Variants in PPFIA2 observed in about 807,000 individuals in gnomAD.
PPFIA2 encodes the protein liprin-alpha-2.
In PPFIA2, 46 loss-of-function variants were observed where a neutral mutation model predicts 175.5. The ratio of observed to expected loss-of-function variants is 0.26; its 90% CI spans 0.21 to 0.34. The LOEUF is 0.34. Ranked by LOEUF, PPFIA2 falls within the 10% of genes least tolerant of loss-of-function variation. The probability of loss-of-function intolerance (pLI) is 1.00; values close to 1 mark genes in which losing one functional copy is unlikely to be tolerated. For missense variants in PPFIA2, 1,179 were observed against 1,506.1 expected (o/e 0.78, Z 3.60); for synonymous variants, 568 against 511.4 (o/e 1.11, Z -1.49).
At chr12:81,504,693 A>G (rs1261894635) in intron 4 of PPFIA2, among the ~76,000 whole-genome samples, 1 of 152,218 alleles carries the variant, frequency 6.6e-6, no homozygotes, top group Admixed American at 6.5e-5. Flanking sequence ...ACACATGTAC[A>G]GCTATGTTTA....
chr12:81,333,403 C>T (rs973478982), intron 21 of PPFIA2, among the ~76,000 whole-genome samples: 1 of 152,142 alleles, frequency 6.6e-6, no homozygotes, highest in Admixed American at 6.5e-5. Context: ...GTTCTCCGAA[C>T]GTGATTCCAA....
chr12:81,425,653 C>T (rs1025822261), intron 7 of PPFIA2, among the ~76,000 whole-genome samples: 11 of 152,132 alleles, frequency 7.2e-5, no homozygotes, highest in Admixed American at 1.3e-4. Context: ...GGATTACGGG[C>T]GTGAGCCACT....
chr12:81,736,994 G>C (rs1474016495), intron 3 of PPFIA2, among the ~76,000 whole-genome samples: 1 of 151,934 alleles, frequency 6.6e-6, no homozygotes, highest in Admixed American at 6.6e-5. Flanking sequence ...GCTTATTAAA[G>C]TTGCAGACTT....
At chr12:81,479,075 A>C (rs552907836) in intron 4 of PPFIA2, among the ~76,000 whole-genome samples, 211 of 152,218 alleles carry the variant, frequency 1.4e-3, no homozygotes, top group Middle Eastern at 3.4e-3. Context: ...GGTCTCTAAG[A>C]ACTTGCTGTA....
At chr12:81,342,669 C>T (rs2058329307) in intron 19 of PPFIA2, among the ~76,000 whole-genome samples, 1 of 152,040 alleles carries the variant, frequency 6.6e-6, no homozygotes. Flanking sequence ...CACAACCCAG[C>T]TAAACTCTTA....
chr12:81,468,590 A>G (rs2056169782), intron 4 of PPFIA2, among the ~76,000 whole-genome samples: 1 of 152,192 alleles, frequency 6.6e-6, no homozygotes, highest in Non-Finnish European at 1.5e-5. Context: ...CTGAATATTT[A>G]AATCTCCCAA....
intron 22 of PPFIA2, 47 bp from the exon 23 acceptor site, chr12:81,299,429 G>A (rs748675659): frequency 5.3e-5 from 80 of 1,522,592 alleles, no homozygotes; most frequent in Non-Finnish European, 6.9e-5. Context: ...GGAAAAATAT[G>A]GCTGTGATTA....
chr12:81,599,529 A>G (rs2059586994), intron 4 of PPFIA2, among the ~76,000 whole-genome samples: 1 of 152,046 alleles, frequency 6.6e-6, no homozygotes, highest in African/African-American at 2.4e-5. Flanking sequence ...TGATTTATAG[A>G]AAATCTGCAA....
intron 19 of PPFIA2, among the ~76,000 whole-genome samples, chr12:81,342,641 G>A (rs1392789017): frequency 6.6e-6 from 1 of 151,864 alleles, no homozygotes; most frequent in African/African-American, 2.4e-5. Context: ...CTGATGCTGT[G>A]GAAAACCTTT....
rs1038466101 is a variant in PPFIA2 at position 81,287,909 on chromosome 12, G to T, written c.2926-3606C>A. ...ACAAATATTGTATAACTTGGTTGTGGTTCTCTGAGATCCCCTTAAAATTAT... is the reference window on the plus strand; with the variant it reads ...ACAAATATTGTATAACTTGGTTGTGTTTCTCTGAGATCCCCTTAAAATTAT... On this transcript the variant is annotated intron_variant, in intron 24 of 32. Coordinates refer to ENST00000549396, the MANE Select transcript of PPFIA2 (RefSeq NM_003625.5). Among the ~76,000 whole-genome samples the T allele has an allele frequency of 2.0e-5, 3 of 151,904 alleles. No individual in the cohort carries two copies. The Middle Eastern group carries it at 0.01, about 517-fold the overall frequency.
At chr12:81,596,678 G>C (rs144850952) in intron 4 of PPFIA2, among the ~76,000 whole-genome samples, 137 of 152,138 alleles carry the variant, frequency 9.0e-4, no homozygotes, top group Middle Eastern at 3.4e-3. Flanking sequence ...GCTACCCAAA[G>C]AGCCAGCTGC....
At position 81,277,343 on chromosome 12, in the gene PPFIA2, C is replaced by T. The variant is rs770104405; in HGVS notation, c.3284G>A (p.Arg1095Gln). ...NYDRKELERR[R>Q]EASQHEIKDV... is the part of the protein sequence containing the mutation. ...TTTTATTTCATGTTGGCTTGCTTCCCGTCTTCTTTCTAGTTCTTTTCTGTC... is the reference window on the plus strand; with the variant it reads ...TTTTATTTCATGTTGGCTTGCTTCCTGTCTTCTTTCTAGTTCTTTTCTGTC... Residue 1095 changes from arginine to glutamine, a missense_variant, in exon 28 of 33, where the codon CGG becomes CAG. Physicochemically the swap from Arg to Gln is conservative, Grantham distance 43 (BLOSUM62 1). Transcript: ENST00000549396. The T allele has an allele frequency of 5.7e-6, 9 of 1,569,514 alleles. No individual in the cohort carries two copies. The highest frequency in any genetic ancestry group is 1.8e-5 in the Admixed American group (1 of 54,172).
chr12:81,544,147 G>A lies in PPFIA2; in HGVS notation c.304-86281C>T, dbSNP rs573183019. Among the ~76,000 whole-genome samples the A allele has an allele frequency of 3.3e-5, 5 of 152,206 alleles. No individual in the cohort carries two copies. The East Asian group carries it at 7.7e-4, about 24-fold the overall frequency. On this transcript the variant is annotated intron_variant, in intron 4 of 32. Coordinates refer to ENST00000549396, the MANE Select transcript of PPFIA2 (RefSeq NM_003625.5). ...TACCAATGTAAGATGTTAATAACAG[G>A]GGAGACTTGGTGAGGGTATATGCTT...
intron 4 of PPFIA2, among the ~76,000 whole-genome samples, chr12:81,577,969 C>G (rs1660379282): frequency 6.6e-6 from 1 of 151,692 alleles, no homozygotes; most frequent in Admixed American, 6.6e-5. Flanking sequence ...CAGTGGTCAG[C>G]TTGAGAAGTG....
intron 4 of PPFIA2, among the ~76,000 whole-genome samples, chr12:81,481,584 C>T (rs1031630151): frequency 6.6e-6 from 1 of 151,916 alleles, no homozygotes; most frequent in Non-Finnish European, 1.5e-5. Context: ...CAGAATATGC[C>T]ACACATCTAC....
At chr12:81,378,116 A>G (rs1040386561) in intron 9 of PPFIA2, 3 of 152,204 alleles carry the variant, frequency 2.0e-5, no homozygotes, top group Middle Eastern at 3.1e-3. Flanking sequence ...ATTAGAAGCT[A>G]GAAGGGGGGA....
At chr12:81,665,456 A>G (rs942182573) in intron 4 of PPFIA2, among the ~76,000 whole-genome samples, 2 of 152,054 alleles carry the variant, frequency 1.3e-5, no homozygotes, top group African/African-American at 2.4e-5. Flanking sequence ...GAAAGTTCCT[A>G]TTTCTTTGCT....
intron 1 of PPFIA2, 93 bp downstream of exon 1, chr12:81,759,187 G>GCC (rs1222202034): frequency 7.1e-5 from 1 of 14,094 alleles, no homozygotes; most frequent in African/African-American, 2.3e-4. Context: ...CCCCCCCGCC[G>GCC]CCCCCCCGCC....
At chr12:81,298,072 G>A (rs1403635358) in intron 23 of PPFIA2, 4 of 151,984 alleles carry the variant, frequency 2.6e-5, no homozygotes, top group Admixed American at 6.6e-5. Context: ...GGATTTGTTC[G>A]TCGCTTGCCA....
Sources: gnomAD v4.1 joint callset for allele counts (sites outside exome capture counted in the v4.1 genomes callset) on GRCh38, gnomAD v4.1.1 for gene constraint, MANE v1.5 for transcripts, NCBI Gene and HGNC (gene_info 2026-07-23, HGNC 2026-07-21) for gene names.